The following SLC16A7 variants were observed in gnomAD, a reference collection of about 807,000 sequenced individuals.
SLC16A7 encodes solute carrier family 16 member 7.
In SLC16A7, 33 loss-of-function variants were observed where a neutral mutation model predicts 34.9. The observed-to-expected ratio is 0.94, with a 90% CI of 0.72 to 1.26. The LOEUF (loss-of-function observed/expected upper bound fraction) is 1.26. SLC16A7 is among the 50% of genes most tolerant of loss of function. The pLI is 0.00. For missense variants in SLC16A7, 573 were observed against 578.1 expected (o/e 0.99, Z 0.09); for synonymous variants, 201 against 206.6 (o/e 0.97, Z 0.23).
Position 59,789,005 on chromosome 12 carries a change from A to C in SLC16A7, c.*9326A>C, listed in dbSNP as rs1400284986. 1 of 152,050 alleles carries C rather than the reference A, an allele frequency of 6.6e-6. No homozygotes were observed. The highest frequency in any genetic ancestry group is 1.5e-5 in the Non-Finnish European group (1 of 67,948). 9.4% of individuals were successfully genotyped at this position (152,050 alleles called of 1,614,324 possible). The stretch of plus-strand genomic sequence containing the variant: ...ATCTTGGTTGTAGTTTCTAATTTTC[A>C]CTGCATAACAAATTTGAAACCAAAT... On this transcript the variant is annotated 3_prime_UTR_variant, in exon 6 of 6. Coordinates refer to ENST00000547379, the MANE Select transcript of SLC16A7 (RefSeq NM_001270623.2).
chr12:59,768,340 G>A, intron 3 of SLC16A7: 2 of 337,160 alleles, frequency 5.9e-6, no homozygotes, highest in Non-Finnish European at 1.2e-5. Context: ...AACTGCAGAT[G>A]TGGTAGAAAT....
At chr12:59,712,208 C>G (rs145621927) in intron 3 of SLC16A7, among the ~76,000 whole-genome samples, 1 of 152,324 alleles carries the variant, frequency 6.6e-6, no homozygotes, top group East Asian at 1.9e-4. Context: ...TTGATATTCT[C>G]CATTATGCAG....
At chr12:59,776,019 TCA>T (rs1592697594) in intron 5 of SLC16A7, among the ~76,000 whole-genome samples, 1 of 152,200 alleles carries the variant, frequency 6.6e-6, no homozygotes, top group African/African-American at 2.4e-5. Flanking sequence ...GAAAATTTAT[TCA>T]CAGTTTTTTT....
At chr12:59,641,603 G>C (rs910457962) in intron 1 of SLC16A7, among the ~76,000 whole-genome samples, 1 of 151,982 alleles carries the variant, frequency 6.6e-6, no homozygotes, top group African/African-American at 2.4e-5. Context: ...TTAGTCCGTT[G>C]TACAAAATAT....
intron 1 of SLC16A7, among the ~76,000 whole-genome samples, chr12:59,614,824 TAAAAAAAA>T (rs71448588): frequency 5.6e-4 from 20 of 35,758 alleles, no homozygotes; most frequent in African/African-American, 2.2e-3. Flanking sequence ...CCATTCCTAC[TAAAAAAAA>T]AAAAAAAAAA....
intron 3 of SLC16A7, among the ~76,000 whole-genome samples, chr12:59,766,939 C>G (rs1881712534): frequency 6.6e-6 from 1 of 152,028 alleles, no homozygotes; most frequent in African/African-American, 2.4e-5. Context: ...TGGTAGAATT[C>G]AGCTGTGAAT....
At chr12:59,738,412 C>T (rs1877855042) in intron 3 of SLC16A7, among the ~76,000 whole-genome samples, 1 of 152,092 alleles carries the variant, frequency 6.6e-6, no homozygotes, top group African/African-American at 2.4e-5. Flanking sequence ...AAACTGAGGG[C>T]TGGGCTGCTA....
At chr12:59,693,054 G>A (rs1294729234) in intron 2 of SLC16A7, among the ~76,000 whole-genome samples, 1 of 151,832 alleles carries the variant, frequency 6.6e-6, no homozygotes, top group Non-Finnish European at 1.5e-5. Context: ...TATTCTTTGA[G>A]AACAAATTAA....
intron 2 of SLC16A7, among the ~76,000 whole-genome samples, chr12:59,698,530 T>A (rs1228113187): frequency 3.3e-5 from 5 of 151,854 alleles, no homozygotes; most frequent in Admixed American, 3.3e-4. Context: ...GGCAGAGTCA[T>A]GGCCTATGCC....
intron 3 of SLC16A7, among the ~76,000 whole-genome samples, chr12:59,709,805 C>T (rs1198865360): frequency 6.6e-6 from 1 of 151,560 alleles, no homozygotes. Context: ...AACTATTATG[C>T]TCACCGTGCA....
At chr12:59,746,213 TG>T (rs1878874891) in intron 3 of SLC16A7, among the ~76,000 whole-genome samples, 1 of 152,208 alleles carries the variant, frequency 6.6e-6, no homozygotes, top group Non-Finnish European at 1.5e-5. Context: ...GTCAGTACTT[TG>T]TAATTAATTT....
In SLC16A7 at chr12:59,773,136, A is replaced by G. The variant is rs113894187; in HGVS notation, c.362-1521A>G. ...AAAAAAACCTTAAGCTCTGAAACAT[A>G]ATACCTGGATTTTAATTTGGGTTCT... On this transcript the variant is annotated intron_variant, in intron 4 of 5. Transcript: ENST00000547379. Among the ~76,000 whole-genome samples the G allele has an allele frequency of 1.1e-3, 172 of 152,142 alleles. 2 individuals are homozygous for G. Among genetic ancestry groups the G allele is most frequent in the African/African-American group, 4.0e-3 (168 of 41,534 alleles).
At chr12:59,744,191 C>T (rs1017113096) in intron 3 of SLC16A7, among the ~76,000 whole-genome samples, 1 of 152,262 alleles carries the variant, frequency 6.6e-6, no homozygotes. Flanking sequence ...AAAATGAGAA[C>T]ATACATTTCT....
rs1486952502 is a variant in SLC16A7, at chr12:59,780,272, G to A, written c.*593G>A. The A allele has an allele frequency of 4.6e-5, 7 of 151,866 alleles. No homozygotes were observed. The highest frequency in any genetic ancestry group is 7.3e-5 in the African/African-American group (3 of 41,358). 9.4% of individuals were successfully genotyped at this position (151,866 alleles called of 1,614,324 possible). A position where few individuals can be genotyped will look rare whatever the true frequency, so the allele number is the denominator to read the frequency against. ...GAAGATAAAAGAAACATATGTCTGCGTGCTACTTTACAATGTTGGTTTTAA... is the reference window on the plus strand; with the variant it reads ...GAAGATAAAAGAAACATATGTCTGCATGCTACTTTACAATGTTGGTTTTAA... On this transcript the variant is annotated 3_prime_UTR_variant, in exon 6 of 6. Transcript: ENST00000547379.
At chr12:59,701,486 TG>T (rs1872874521) in intron 2 of SLC16A7, among the ~76,000 whole-genome samples, 1 of 151,656 alleles carries the variant, frequency 6.6e-6, no homozygotes, top group Admixed American at 6.6e-5. Context: ...GTGTACATTC[TG>T]TCTTCTATTT....
chr12:59,754,839 A>G (rs1001499651), intron 3 of SLC16A7, among the ~76,000 whole-genome samples: 4 of 152,342 alleles, frequency 2.6e-5, no homozygotes, highest in Non-Finnish European at 4.4e-5. Flanking sequence ...CTTGATGAAC[A>G]TTGATGCAAA....
intron 2 of SLC16A7, among the ~76,000 whole-genome samples, chr12:59,668,811 T>C (rs895091310): frequency 6.6e-6 from 1 of 152,200 alleles, no homozygotes; most frequent in Admixed American, 6.5e-5. Flanking sequence ...TCCCATAATA[T>C]GTGTTGTGGG....
At chr12:59,749,748 A>G (rs1879297461) in intron 3 of SLC16A7, among the ~76,000 whole-genome samples, 1 of 152,232 alleles carries the variant, frequency 6.6e-6, no homozygotes, top group Non-Finnish European at 1.5e-5. Flanking sequence ...CACAAGATTT[A>G]TGATAGAGCC....
chr12:59,624,121 A>G (rs958706514), intron 1 of SLC16A7, among the ~76,000 whole-genome samples: 3 of 151,492 alleles, frequency 2.0e-5, no homozygotes, highest in Non-Finnish European at 4.4e-5. Flanking sequence ...TTAATTATTA[A>G]TATAGTGAAA....
Sources: gnomAD v4.1 joint callset for allele counts (sites outside exome capture counted in the v4.1 genomes callset) on GRCh38, gnomAD v4.1.1 for gene constraint, MANE v1.5 for transcripts, NCBI Gene and HGNC (gene_info 2026-07-23, HGNC 2026-07-21) for gene names.